CNOT1: variants seen among roughly 807,000 people sequenced by gnomAD.
The protein encoded by CNOT1 is CCR4-associated factor 1.
In CNOT1, 15 loss-of-function variants were observed where a neutral mutation model predicts 273.8. The ratio of observed to expected loss-of-function variants is 0.05; its 90% CI spans 0.04 to 0.08. CNOT1 has a LOEUF of 0.08. Ranked by LOEUF, CNOT1 falls within the 10% of genes least tolerant of loss-of-function variation. The probability of loss-of-function intolerance (pLI) is 1.00; values close to 1 mark genes in which losing one functional copy is unlikely to be tolerated. For missense variants in CNOT1, 1,644 were observed against 2,912.2 expected (o/e 0.56, Z 10.02); for synonymous variants, 1,022 against 1,005.5 (o/e 1.02, Z -0.31).
At chr16:58,526,182 A>G in intron 44 of CNOT1, 44 bp from the exon 45 acceptor site, 1 of 1,606,702 alleles carries the variant, frequency 6.2e-7, no homozygotes, top group Non-Finnish European at 8.5e-7. Context: ...AATCATTTTT[A>G]TTAGTAAATT....
rs55998166 is a variant in CNOT1 at position 58,539,466 on chromosome 16, TACACAC to T, written c.4992+296_4992+301del. Among the ~76,000 whole-genome samples the T allele has an allele frequency of 2.8e-3, 415 of 145,678 alleles. 2 individuals carry two copies. Among genetic ancestry groups the T allele is most frequent in the African/African-American group, 9.8e-3 (387 of 39,488 alleles). ...CCTGACAGAGAGAGACCCTGTCTCT[TACACAC>T]ACACACACACACACACACACAGACA... On this transcript the variant is annotated intron_variant, in intron 35 of 48. Transcript: ENST00000317147.
At chr16:58,581,611 T>C (rs1253131802) in intron 10 of CNOT1, 96 bp from the exon 11 acceptor site, 2 of 1,439,328 alleles carry the variant, frequency 1.4e-6, no homozygotes, top group African/African-American at 1.4e-5. Context: ...TCAATTTAGA[T>C]GTTCTACTTA....
chr16:58,609,314 G>A (rs1368452832), intron 1 of CNOT1, among the ~76,000 whole-genome samples: 1 of 151,960 alleles, frequency 6.6e-6, no homozygotes. Context: ...GGAGGTTGCA[G>A]TGAGCCAAGC....
chr16:58,622,290 G>A (rs1366626467), intron 1 of CNOT1, among the ~76,000 whole-genome samples: 1 of 136,588 alleles, frequency 7.3e-6, no homozygotes, highest in African/African-American at 2.7e-5. Flanking sequence ...CTCCAGCCTG[G>A]GTGACAGAGC....
chr16:58,616,176 G>A (rs1387229788), intron 1 of CNOT1, among the ~76,000 whole-genome samples: 3 of 124,858 alleles, frequency 2.4e-5, no homozygotes, highest in Admixed American at 2.4e-4. Context: ...TCATGATCTC[G>A]GCTCACTGCA....
chr16:58,564,829 G>A (rs991136836), intron 16 of CNOT1, among the ~76,000 whole-genome samples: 10 of 152,004 alleles, frequency 6.6e-5, no homozygotes, highest in African/African-American at 1.4e-4. Flanking sequence ...CCAACTACTC[G>A]GGAGGCTGAG....
chr16:58,590,954 GAGAAGT>G (rs2042031193), intron 2 of CNOT1, among the ~76,000 whole-genome samples: 1 of 152,174 alleles, frequency 6.6e-6, no homozygotes, highest in Non-Finnish European at 1.5e-5. Flanking sequence ...ATTTTTGTGG[GAGAAGT>G]ACAGGCAAAG....
chr16:58,597,431 C>T (rs904895304), intron 2 of CNOT1, among the ~76,000 whole-genome samples: 5 of 151,648 alleles, frequency 3.3e-5, no homozygotes, highest in South Asian at 2.1e-4. Flanking sequence ...GCTGAGATCG[C>T]GCCACGGTAT....
intron 1 of CNOT1, among the ~76,000 whole-genome samples, chr16:58,622,299 G>T (rs2043365288): frequency 8.0e-6 from 1 of 125,112 alleles, no homozygotes; most frequent in African/African-American, 3.0e-5. Flanking sequence ...GGGTGACAGA[G>T]CGAGACTGTA....
intron 1 of CNOT1, among the ~76,000 whole-genome samples, chr16:58,601,734 T>TAAAACAAAAAAAAAAAAAA (rs2042471148): frequency 1.1e-5 from 1 of 91,514 alleles, no homozygotes; most frequent in Non-Finnish European, 2.2e-5. Context: ...ATACCCACCT[T>TAAAACAAAAAAAAAAAAAA]AAAAAAAAAA....
intron 1 of CNOT1, among the ~76,000 whole-genome samples, chr16:58,610,901 G>A (rs1027399554): frequency 3.3e-5 from 5 of 150,840 alleles, no homozygotes; most frequent in African/African-American, 1.2e-4. Flanking sequence ...GCCGGGCGTG[G>A]TGGCAGGCAC....
rs754396467 is a variant in CNOT1, at chr16:58,582,823, T to C, written c.1014A>G (p.Val338=). ...SDGAQAHTWN[V]EVLIDVLKEL... ...CTTTAAGAACGTCAATCAAGACTTC[T>C]ACATTCCATGTGTGTGCCTGTGCTC... The change falls in exon 10 of 49, where the codon GTA becomes GTG. Residue 338 remains valine (V), a synonymous_variant. Coordinates refer to ENST00000317147, the MANE Select transcript of CNOT1 (RefSeq NM_016284.5). 11 of 1,541,740 alleles carry C rather than the reference T, an allele frequency of 7.1e-6. No individual in the cohort carries two copies. In the African/African-American group the frequency reaches 9.5e-5, roughly 13 times the overall value.
At chr16:58,534,840 C>T (rs2039876124) in intron 39 of CNOT1, among the ~76,000 whole-genome samples, 1 of 152,062 alleles carries the variant, frequency 6.6e-6, no homozygotes, top group South Asian at 2.1e-4. Flanking sequence ...ACTGAATTAA[C>T]CAATAACAAA....
Position 58,596,205 on chromosome 16 carries a change from C to T in CNOT1, c.102+3031G>A, listed in dbSNP as rs2042243357. On this transcript the variant is annotated intron_variant, in intron 2 of 48. Transcript: ENST00000317147. ...TGAAGGAGCAATCTAGCAGTGCCAT[C>T]AGACCCCTGCACACTACAGAGCATG... Among the ~76,000 whole-genome samples, 3 of 152,140 alleles carry T rather than the reference C, an allele frequency of 2.0e-5. No individual in the cohort carries two copies. The South Asian group carries it at 6.2e-4, about 32-fold the overall frequency.
intron 33 of CNOT1, 77 bp from the exon 34 acceptor site, chr16:58,541,697 ATGTGGGT>A: frequency 6.9e-7 from 1 of 1,449,792 alleles, no homozygotes; most frequent in South Asian, 1.2e-5. Context: ...GAAAGTCTGC[ATGTGGGT>A]AAGCTCAGGG....
intron 8 of CNOT1, 23 bp downstream of exon 8, chr16:58,585,315 G>A (rs749765787): frequency 9.9e-6 from 16 of 1,612,766 alleles, no homozygotes; most frequent in Non-Finnish European, 8.5e-6. Flanking sequence ...ATAATCAGAA[G>A]CTTAACACAT....
chr16:58,600,152 C>G (rs1158076161), intron 1 of CNOT1, among the ~76,000 whole-genome samples: 1 of 151,948 alleles, frequency 6.6e-6, no homozygotes, highest in Non-Finnish European at 1.5e-5. Context: ...CGTGACCAGT[C>G]TGGCCAACAT....
chr16:58,600,113 C>T (rs977697520), intron 1 of CNOT1, among the ~76,000 whole-genome samples: 3 of 151,680 alleles, frequency 2.0e-5, no homozygotes, highest in Non-Finnish European at 2.9e-5. Flanking sequence ...GAGGCCAAGG[C>T]GGGTGTGGAT....
chr16:58,526,306 T>C (rs551580148), intron 44 of CNOT1, among the ~76,000 whole-genome samples, 168 bp from the exon 45 acceptor site: 3 of 152,214 alleles, frequency 2.0e-5, no homozygotes, highest in Admixed American at 6.5e-5. Context: ...TAGAAGAATC[T>C]TGGTTCAAAA....
Sources: allele counts gnomAD v4.1 joint callset (sites outside exome capture counted in the v4.1 genomes callset), GRCh38; gene constraint gnomAD v4.1.1; transcripts MANE v1.5; gene names NCBI Gene and HGNC (gene_info 2026-07-23, HGNC 2026-07-21).